The following PLSCR1 variants were observed in gnomAD, a reference collection of about 807,000 sequenced individuals.
PLSCR1 encodes the protein PL scramblase 1.
In PLSCR1, 17 loss-of-function variants were observed where a neutral mutation model predicts 37.8. That is an observed-to-expected ratio of 0.45 (90% CI 0.31 to 0.68). The LOEUF (loss-of-function observed/expected upper bound fraction) is 0.68, where lower values mean the gene tolerates loss of function less well. Ranked by LOEUF, PLSCR1 falls within the 30% of genes least tolerant of loss-of-function variation. The probability of loss-of-function intolerance (pLI) is 0.06; values close to 1 mark genes in which losing one functional copy is unlikely to be tolerated. For synonymous variants in PLSCR1, 116 were observed against 125.9 expected (o/e 0.92, Z 0.53); for missense variants, 347 against 380.9 (o/e 0.91, Z 0.74).
intron 4 of PLSCR1, among the ~76,000 whole-genome samples, chr3:146,526,201 A>AAAAG (rs1164141807): frequency 6.7e-5 from 10 of 148,284 alleles, no homozygotes; most frequent in Admixed American, 2.0e-4. Context: ...AAAAAAAAAA[A>AAAAG]AAAGAAAGAA....
At position 146,536,117 on chromosome 3, in the gene PLSCR1, C is replaced by T. The variant is rs191959925; in HGVS notation, c.13+423G>A. On this transcript the variant is annotated intron_variant, in intron 2 of 8. Transcript: ENST00000342435. Reference sequence around the variant, plus strand: ...TAATGACTGGTATTTACTTAAAATACAAACATGTGTCTGTGATGAAATATA... The same window carrying T: ...TAATGACTGGTATTTACTTAAAATATAAACATGTGTCTGTGATGAAATATA... Among the ~76,000 whole-genome samples, 57 of 152,174 alleles carry T rather than the reference C, an allele frequency of 3.7e-4. 1 individual carries two copies. Among genetic ancestry groups the T allele is most frequent in the Admixed American group, 2.9e-3 (45 of 15,294 alleles).
chr3:146,532,772 AAGTTCTAGT>A (rs2044216665), intron 3 of PLSCR1, among the ~76,000 whole-genome samples: 1 of 152,102 alleles, frequency 6.6e-6, no homozygotes, highest in South Asian at 2.1e-4. Context: ...GCTATTTTTA[AAGTTCTAGT>A]AGTTTTGATA....
chr3:146,536,469 T>A, intron 2 of PLSCR1, 71 bp downstream of exon 2: 1 of 870,612 alleles, frequency 1.1e-6, no homozygotes. Flanking sequence ...TAAAACATTA[T>A]GACAAATAAC....
chr3:146,534,805 G>A (rs1249268495), intron 2 of PLSCR1, among the ~76,000 whole-genome samples: 10 of 152,190 alleles, frequency 6.6e-5, no homozygotes, highest in African/African-American at 1.9e-4. Flanking sequence ...AAACCCGGGA[G>A]GCGGAGGTTG....
chr3:146,538,050 A>G (rs1307315316), intron 1 of PLSCR1: 1 of 152,236 alleles, frequency 6.6e-6, no homozygotes, highest in African/African-American at 2.4e-5. Flanking sequence ...TGGTCCTGAA[A>G]TAAATCAAAA....
intron 1 of PLSCR1, among the ~76,000 whole-genome samples, chr3:146,538,218 A>G (rs186105314): frequency 6.6e-6 from 1 of 152,364 alleles, no homozygotes; most frequent in East Asian, 1.9e-4. Context: ...GTGAGCAATA[A>G]TAAACACATG....
chr3:146,524,276 C>G (rs1461741389), intron 5 of PLSCR1, among the ~76,000 whole-genome samples: 2 of 151,882 alleles, frequency 1.3e-5, no homozygotes, highest in African/African-American at 4.8e-5. Flanking sequence ...AAAATGTAAA[C>G]AAATTGTTTA....
intron 3 of PLSCR1, among the ~76,000 whole-genome samples, chr3:146,531,968 A>G (rs947420256): frequency 1.3e-5 from 2 of 152,176 alleles, no homozygotes; most frequent in Non-Finnish European, 2.9e-5. Flanking sequence ...TATTTACCTC[A>G]TAAGAGTATT....
chr3:146,530,912 T>C (rs113940803), intron 3 of PLSCR1, among the ~76,000 whole-genome samples: 19 of 152,318 alleles, frequency 1.2e-4, no homozygotes, highest in African/African-American at 4.3e-4. Context: ...GAATTTACAA[T>C]GGAAAACACA....
chr3:146,528,795 A>G lies in PLSCR1; in HGVS notation c.131T>C (p.Val44Ala). 1.2e-6 allele frequency: 2 copies of G among 1,613,910 alleles called. No individual in the cohort carries two copies. The highest frequency in any genetic ancestry group is 1.7e-6 in the Non-Finnish European group (2 of 1,179,952). ...GCCGGCTGGTGGGGGTGGGTAGCTGACCTGGGGCCCAGGGTAGCCACTATA... is the reference window on the plus strand; with the variant it reads ...GCCGGCTGGTGGGGGTGGGTAGCTGGCCTGGGGCCCAGGGTAGCCACTATA... ...PGYSGYPGPQ[V>A]SYPPPPAGHS... is the part of the protein sequence containing the mutation. Residue 44 changes from valine to alanine, a missense_variant, in exon 4 of 9, where the codon GTC becomes GCC. Transcript: ENST00000342435.
chr3:146,534,336 G>A (rs1207134716), intron 2 of PLSCR1, among the ~76,000 whole-genome samples: 1 of 150,450 alleles, frequency 6.6e-6, no homozygotes, highest in Non-Finnish European at 1.5e-5. Flanking sequence ...TTAAGGTGCA[G>A]TAGACACTAC....
chr3:146,522,128 T>TGGATAA, intron 5 of PLSCR1, 75 bp from the exon 6 acceptor site: 1 of 864,742 alleles, frequency 1.2e-6, no homozygotes, highest in Non-Finnish European at 1.9e-6. Flanking sequence ...TTATAATATC[T>TGGATAA]AGCTATGCCA....
Position 146,515,916 on chromosome 3 carries a change from A to G in PLSCR1, c.*129T>C, listed in dbSNP as rs1379861391. 7.0e-6 allele frequency: 4 copies of G among 574,698 alleles called. No individual in the cohort carries two copies. The East Asian group carries it at 9.2e-5, about 13-fold the overall frequency. The allele number at this position is 574,698 out of a possible 1,614,324, so 35.6% of individuals were successfully genotyped here. A position where few individuals can be genotyped will look rare whatever the true frequency, so the allele number is the denominator to read the frequency against. ...AAATCAGTTATACAGAAGATAAACT[A>G]TAATTTGAAAAGCAAAAGTATACAA... On this transcript the variant is annotated 3_prime_UTR_variant, in exon 9 of 9. Coordinates refer to ENST00000342435, the MANE Select transcript of PLSCR1 (RefSeq NM_021105.3).
intron 3 of PLSCR1, among the ~76,000 whole-genome samples, chr3:146,531,463 G>A (rs1020186390): frequency 2.0e-5 from 3 of 152,136 alleles, no homozygotes; most frequent in African/African-American, 4.8e-5. Flanking sequence ...CCAGACCATA[G>A]GCAGACCAGT....
intron 1 of PLSCR1, 21 bp from the exon 2 acceptor site, chr3:146,536,586 T>C: frequency 1.4e-6 from 2 of 1,443,452 alleles, no homozygotes; most frequent in Middle Eastern, 3.5e-4. Flanking sequence ...AGATCTGACA[T>C]TAACACACTG....
intron 3 of PLSCR1, among the ~76,000 whole-genome samples, chr3:146,529,386 G>C (rs1333585904): frequency 6.6e-6 from 1 of 152,134 alleles, no homozygotes; most frequent in Non-Finnish European, 1.5e-5. Flanking sequence ...TGCATCTGGT[G>C]GGTAGAGGCC....
chr3:146,536,691 C>G (rs79005445), intron 1 of PLSCR1, 126 bp from the exon 2 acceptor site: 29,158 of 614,524 alleles, frequency 0.047, 799 homozygotes, highest in South Asian at 0.061. Context: ...TTCATCCAGC[C>G]CAGCCTTATC....
chr3:146,519,216 C>T (rs1329822014), intron 7 of PLSCR1, among the ~76,000 whole-genome samples: 2 of 152,156 alleles, frequency 1.3e-5, no homozygotes, highest in East Asian at 3.9e-4. Context: ...CATCTGGCTC[C>T]AGTGTCTATA....
rs150332108 is a variant in PLSCR1, at chr3:146,544,254, C to T, written c.-14+213G>A. Among the ~76,000 whole-genome samples, 494 of 152,312 alleles carry T rather than the reference C, an allele frequency of 3.2e-3. 2 individuals carry two copies. The highest frequency in any genetic ancestry group is 0.012 in the African/African-American group (479 of 41,560). On this transcript the variant is annotated intron_variant, in intron 1 of 8. Coordinates refer to ENST00000342435, the MANE Select transcript of PLSCR1 (RefSeq NM_021105.3). The stretch of plus-strand genomic sequence containing the variant: ...CCCTTGCCGTGTACCTGCTCCACTT[C>T]CAGGGTCCCTTTCAGAGGCCTCTTG...
Sources: allele counts gnomAD v4.1 joint callset (sites outside exome capture counted in the v4.1 genomes callset), GRCh38; gene constraint gnomAD v4.1.1; transcripts MANE v1.5; gene names NCBI Gene and HGNC (gene_info 2026-07-23, HGNC 2026-07-21).